ATM: variants seen among roughly 807,000 people sequenced by gnomAD.
ATM encodes ATM serine/threonine kinase.
Under a neutral mutation model 387.0 loss-of-function variants are expected in ATM, and 308 were observed. The observed-to-expected ratio is 0.80, with a 90% CI of 0.73 to 0.87. ATM has a LOEUF of 0.87. Among genes scored for constraint, ATM ranks in the 40% least tolerant of loss-of-function variants. ATM has a pLI of 0.00. For missense variants in ATM, 3,312 were observed against 3,560.9 expected (o/e 0.93, Z 1.78); for synonymous variants, 1,156 against 1,187.3 (o/e 0.97, Z 0.54).
At chr11:108,344,263 G>T (rs2087995595) in intron 57 of ATM, among the ~76,000 whole-genome samples, 1 of 152,196 alleles carries the variant, frequency 6.6e-6, no homozygotes, top group Non-Finnish European at 1.5e-5. Context: ...AGAATAGACA[G>T]AAGTAGATCC....
chr11:108,343,124 G>GA (rs1257233162), intron 56 of ATM, 98 bp from the exon 57 acceptor site: 57 of 1,475,432 alleles, frequency 3.9e-5, no homozygotes, highest in East Asian at 3.2e-4. Context: ...AATACAACTT[G>GA]AAAAAAAATG....
chr11:108,326,163 CAG>C lies in ATM; in HGVS notation c.6916_6917del (p.Leu2307CysfsTer65), dbSNP rs878853535. The part of the protein sequence containing the change: ...EAQVFWAKKE[Q>X]SLALSILKQM... The stretch of plus-strand genomic sequence containing the variant: ...ACAAGTATTCTGGGCAAAAAAGGAG[CAG>C]AGTCTTGCCCTGAGTATTCTCAAGC... On this transcript the variant is annotated frameshift_variant, in exon 47 of 63. Coordinates refer to ENST00000675843, the MANE Select transcript of ATM (RefSeq NM_000051.4). LOFTEE classifies it high-confidence loss of function. The C allele has an allele frequency of 5.6e-6, 9 of 1,614,120 alleles. No homozygotes were observed. The highest frequency in any genetic ancestry group is 7.6e-6 in the Non-Finnish European group (9 of 1,180,016).
chr11:108,246,429 G>C (rs966595038), intron 7 of ATM, among the ~76,000 whole-genome samples: 2 of 152,142 alleles, frequency 1.3e-5, no homozygotes, highest in African/African-American at 4.8e-5. Context: ...GTAGTACCTT[G>C]TTTGTGAGAA....
Position 108,233,929 on chromosome 11 carries a change from G to A in ATM, c.332-1741G>A, listed in dbSNP as rs142206770. 4.6e-5 allele frequency among the ~76,000 whole-genome samples: 7 copies of A among 152,174 alleles called. No individual in the cohort carries two copies. In the East Asian group the frequency reaches 1.4e-3, roughly 29 times the overall value. The stretch of plus-strand genomic sequence containing the variant: ...TTTGGTAGAGGAGGGAGATATATTG[G>A]GATAAAGGACATAGGAAGATAGGAT... On this transcript the variant is annotated intron_variant, in intron 4 of 62. Transcript: ENST00000675843.
Position 108,284,282 on chromosome 11 carries a change from G to A in ATM, c.3802G>A (p.Val1268Met), listed in dbSNP as rs863224564. Residue 1268 changes from valine to methionine, a missense_variant, in exon 26 of 63, where the codon GTG becomes ATG. Physicochemically the swap from Val to Met is conservative, Grantham distance 21. Coordinates refer to ENST00000675843, the MANE Select transcript of ATM (RefSeq NM_000051.4). ...GGTGATTAGAAGTCATTTTGATGAG[G>A]TGAAGTCCATTGCTAATCAGATTCA... is the stretch of plus-strand genomic sequence containing the variant. ...HLVIRSHFDEVKSIANQIQED... is the reference protein window; with the variant it reads ...HLVIRSHFDEMKSIANQIQED... 3.1e-6 allele frequency: 5 copies of A among 1,613,174 alleles called. No homozygotes were observed. Among genetic ancestry groups the A allele is most frequent in the Non-Finnish European group, 4.2e-6 (5 of 1,179,358 alleles).
rs1555099963 is a variant in ATM, at chr11:108,292,751, A to C, written c.4569A>C (p.Thr1523=). 1.2e-6 allele frequency: 2 copies of C among 1,614,056 alleles called. No individual in the cohort carries two copies. The highest frequency in any genetic ancestry group is 1.7e-6 in the Non-Finnish European group (2 of 1,179,960). The change falls in exon 30 of 63, where the codon ACA becomes ACC. Residue 1523 remains threonine, a synonymous_variant. Coordinates refer to ENST00000675843, the MANE Select transcript of ATM (RefSeq NM_000051.4). ...LENHLHVIVG[T]LIPLVYEQVE... ...ACCATCTTCATGTTATTGTTGGTACACTTATACCCCTTGTGTATGAGCAGG... is the reference window on the plus strand; with the variant it reads ...ACCATCTTCATGTTATTGTTGGTACCCTTATACCCCTTGTGTATGAGCAGG...
At chr11:108,245,626 C>G (rs2079809111) in intron 7 of ATM, among the ~76,000 whole-genome samples, 1 of 151,902 alleles carries the variant, frequency 6.6e-6, no homozygotes. Context: ...GAGTATTGCC[C>G]AGAAGGTATA....
intron 13 of ATM, among the ~76,000 whole-genome samples, chr11:108,254,386 G>A (rs1007364261): frequency 6.6e-6 from 1 of 152,150 alleles, no homozygotes; most frequent in Non-Finnish European, 1.5e-5. Flanking sequence ...AGAACACGAT[G>A]TAAACAAATC....
chr11:108,301,930 C>T, intron 35 of ATM, 141 bp downstream of exon 35: 1 of 998,206 alleles, frequency 1.0e-6, no homozygotes. Context: ...AGCCATATTT[C>T]ATAAATCCAG....
At chr11:108,291,349 T>C (rs537246729) in intron 29 of ATM, among the ~76,000 whole-genome samples, 12 of 152,390 alleles carry the variant, frequency 7.9e-5, no homozygotes, top group African/African-American at 2.9e-4. Context: ...TCTTTTTTAT[T>C]GTGGTAAACT....
In ATM at chr11:108,329,253, A is replaced by G; in HGVS notation, c.7307+15A>G. On this transcript the variant is annotated intron_variant, in intron 49 of 62. Coordinates refer to ENST00000675843, the MANE Select transcript of ATM (RefSeq NM_000051.4). Reference sequence around the variant, plus strand: ...CAGACAAACAGGTAACTAGGTTTCTACAAGTGACAATTTTATGTTCACCAG... The same window carrying G: ...CAGACAAACAGGTAACTAGGTTTCTGCAAGTGACAATTTTATGTTCACCAG... 6.3e-7 allele frequency: 1 copy of G among 1,595,740 alleles called. No homozygotes were observed. Among genetic ancestry groups the G allele is most frequent in the Non-Finnish European group, 8.6e-7 (1 of 1,164,662 alleles).
intron 17 of ATM, among the ~76,000 whole-genome samples, chr11:108,267,904 G>C (rs1349097104): frequency 6.6e-6 from 1 of 152,156 alleles, no homozygotes; most frequent in Non-Finnish European, 1.5e-5. Context: ...TCAATAGAAA[G>C]CAGGAAATGA....
chr11:108,243,666 G>C (rs982900049), intron 5 of ATM, among the ~76,000 whole-genome samples: 3 of 152,116 alleles, frequency 2.0e-5, no homozygotes, highest in Non-Finnish European at 4.4e-5. Context: ...TGCTTTCTTA[G>C]GCCTAGATGA....
intron 37 of ATM, among the ~76,000 whole-genome samples, chr11:108,306,977 T>A (rs2083736764): frequency 6.6e-6 from 1 of 152,234 alleles, no homozygotes; most frequent in Non-Finnish European, 1.5e-5. Flanking sequence ...GCATCCTTAC[T>A]GCTTTCTAGC....
At chr11:108,288,502 T>C (rs2082613713) in intron 27 of ATM, among the ~76,000 whole-genome samples, 2 of 25,024 alleles carry the variant, frequency 8.0e-5, no homozygotes, top group South Asian at 3.2e-3. Context: ...TATGCTTTAC[T>C]TTTTTTTTTT....
intron 15 of ATM, among the ~76,000 whole-genome samples, chr11:108,257,999 T>G (rs1035856545): frequency 6.6e-6 from 1 of 152,078 alleles, no homozygotes; most frequent in East Asian, 1.9e-4. Context: ...TGGGCTCAAG[T>G]GATTCTCCCA....
Position 108,244,862 on chromosome 11 carries a change from A to C in ATM, c.737A>C (p.Asn246Thr), listed in dbSNP as rs781023264. The C allele has an allele frequency of 6.2e-7, 1 of 1,613,892 alleles. No homozygotes were observed. The highest frequency in any genetic ancestry group is 8.5e-7 in the Non-Finnish European group (1 of 1,179,928). Reference sequence around the variant, plus strand: ...ATCTTCCTCAAGACTTTGGCTGTCAACTTTCGAATTCGAGTGTGTGAATTA... The same window carrying C: ...ATCTTCCTCAAGACTTTGGCTGTCACCTTTCGAATTCGAGTGTGTGAATTA... ...LTIFLKTLAV[N>T]FRIRVCELGD... Residue 246 changes from asparagine (N) to threonine (T), a missense_variant, in exon 7 of 63, where the codon AAC (asparagine) becomes ACC (threonine). Physicochemically the swap from Asn to Thr is moderately conservative, Grantham distance 65 (BLOSUM62 0). This residue lies in a region of ATM where 1,791 missense variants were observed against 1,804.5 expected (regional missense o/e 0.99). Transcript: ENST00000675843.
chr11:108,308,782 A>G (rs1452272024), intron 38 of ATM: 1 of 519,330 alleles, frequency 1.9e-6, no homozygotes, highest in African/African-American at 1.9e-5. Flanking sequence ...GTAGTCTTAA[A>G]CCATTCTTCT....
At chr11:108,318,544 G>T (rs1227496282) in intron 43 of ATM, among the ~76,000 whole-genome samples, 1 of 151,696 alleles carries the variant, frequency 6.6e-6, no homozygotes, top group Non-Finnish European at 1.5e-5. Context: ...GCAAAAATTA[G>T]CTGGGTGTGC....
Sources: allele counts gnomAD v4.1 joint callset (sites outside exome capture counted in the v4.1 genomes callset), GRCh38; gene constraint gnomAD v4.1.1; regional missense constraint gnomAD v4.1.1; transcripts MANE v1.5; gene names NCBI Gene and HGNC (gene_info 2026-07-23, HGNC 2026-07-21).